GPC5: variants seen among roughly 807,000 people sequenced by gnomAD.
The protein encoded by GPC5 is glypican-5.
Under a neutral mutation model 53.9 loss-of-function variants are expected in GPC5, and 47 were observed. That is an observed-to-expected ratio of 0.87 (90% CI 0.69 to 1.11). The LOEUF is 1.11. Ranked by LOEUF, GPC5 falls within the 50% of genes most tolerant of loss-of-function variation. The pLI is 0.00. For synonymous variants in GPC5, 286 were observed against 263.3 expected (o/e 1.09, Z -0.84); for missense variants, 748 against 713.1 (o/e 1.05, Z -0.56).
intron 2 of GPC5, among the ~76,000 whole-genome samples, chr13:91,571,919 T>C (rs766370073): frequency 1.3e-4 from 12 of 94,808 alleles, no homozygotes; most frequent in South Asian, 9.5e-4. Flanking sequence ...TATATACACA[T>C]ATTGTATATA....
chr13:92,163,311 C>A (rs9556153), intron 7 of GPC5, among the ~76,000 whole-genome samples: 27 of 151,684 alleles, frequency 1.8e-4, no homozygotes, highest in Non-Finnish European at 2.9e-4. Context: ...AAATACAGAC[C>A]TCAGCCAGGC....
chr13:92,143,510 G>T (rs970373222), intron 6 of GPC5, among the ~76,000 whole-genome samples: 3 of 151,984 alleles, frequency 2.0e-5, no homozygotes, highest in Non-Finnish European at 2.9e-5. Flanking sequence ...CTTAATATTT[G>T]CTGAGTTCAC....
chr13:91,799,255 C>T (rs2038096037), intron 5 of GPC5, among the ~76,000 whole-genome samples: 1 of 152,162 alleles, frequency 6.6e-6, no homozygotes, highest in South Asian at 2.1e-4. Context: ...ATTGCCTATT[C>T]TCACTTATAA....
chr13:91,479,128 G>A (rs574882809), intron 2 of GPC5, among the ~76,000 whole-genome samples: 210 of 151,398 alleles, frequency 1.4e-3, no homozygotes, highest in African/African-American at 4.6e-3. Flanking sequence ...GCCCAGGGTG[G>A]CCTCGAACTC....
chr13:92,170,195 TTACTC>T (rs2042059460), intron 7 of GPC5, among the ~76,000 whole-genome samples: 1 of 151,756 alleles, frequency 6.6e-6, no homozygotes, highest in South Asian at 2.1e-4. Context: ...TCAATGAGGG[TTACTC>T]TAGTTTCTAT....
intron 7 of GPC5, among the ~76,000 whole-genome samples, chr13:92,833,230 T>G (rs1270107085): frequency 1.3e-5 from 2 of 152,182 alleles, no homozygotes; most frequent in Non-Finnish European, 2.9e-5. Flanking sequence ...CTTACTTATA[T>G]GATTCACAGC....
chr13:91,891,654 A>C (rs993917278), intron 5 of GPC5, among the ~76,000 whole-genome samples: 1 of 152,172 alleles, frequency 6.6e-6, no homozygotes, highest in Admixed American at 6.5e-5. Context: ...TTATGAGAGA[A>C]AATGTCCATA....
chr13:92,107,847 C>A (rs1238188583), intron 6 of GPC5, among the ~76,000 whole-genome samples: 3 of 152,174 alleles, frequency 2.0e-5, no homozygotes, highest in Non-Finnish European at 4.4e-5. Context: ...AAACCATTTT[C>A]TCTTTTCAGA....
chr13:91,699,115 G>A (rs1454629088), intron 3 of GPC5, among the ~76,000 whole-genome samples: 3 of 152,152 alleles, frequency 2.0e-5, no homozygotes, highest in Non-Finnish European at 4.4e-5. Flanking sequence ...AATTAATGTT[G>A]GATATGTAGA....
At chr13:92,473,888 CT>C (rs2139424808) in intron 7 of GPC5, among the ~76,000 whole-genome samples, 1 of 152,172 alleles carries the variant, frequency 6.6e-6, no homozygotes, top group Admixed American at 6.6e-5. Context: ...CTTGAACTTC[CT>C]TTGAACTCTG....
intron 6 of GPC5, among the ~76,000 whole-genome samples, chr13:91,940,026 C>T (rs1231331047): frequency 6.6e-6 from 1 of 152,130 alleles, no homozygotes; most frequent in East Asian, 1.9e-4. Context: ...CTCTCCATCA[C>T]TTAACAGTTC....
At chr13:91,415,386 T>C (rs1265756108) in intron 1 of GPC5, among the ~76,000 whole-genome samples, 1 of 152,098 alleles carries the variant, frequency 6.6e-6, no homozygotes, top group East Asian at 1.9e-4. Flanking sequence ...GAGTCTCCTG[T>C]TTTATGCCAG....
intron 7 of GPC5, among the ~76,000 whole-genome samples, chr13:92,800,737 C>A (rs1400140212): frequency 6.6e-6 from 1 of 151,758 alleles, no homozygotes; most frequent in Non-Finnish European, 1.5e-5. Flanking sequence ...ATGGTTTCTT[C>A]ATTGATACAG....
intron 2 of GPC5, among the ~76,000 whole-genome samples, chr13:91,655,300 T>C (rs1290893171): frequency 6.6e-6 from 1 of 152,140 alleles, no homozygotes; most frequent in Non-Finnish European, 1.5e-5. Context: ...TGTGTTTGTG[T>C]GTGTGTACAC....
chr13:92,383,868 G>T (rs2043770524), intron 7 of GPC5, among the ~76,000 whole-genome samples: 2 of 152,050 alleles, frequency 1.3e-5, no homozygotes, highest in African/African-American at 4.8e-5. Flanking sequence ...GTAACTCTAA[G>T]AATGCAACTG....
intron 7 of GPC5, among the ~76,000 whole-genome samples, chr13:92,440,085 A>G (rs1660915317): frequency 1.3e-5 from 2 of 152,216 alleles, no homozygotes; most frequent in South Asian, 4.1e-4. Context: ...GAATGATGGG[A>G]CAAGACAATG....
intron 5 of GPC5, among the ~76,000 whole-genome samples, chr13:91,829,119 G>T (rs947497760): frequency 2.6e-5 from 4 of 152,026 alleles, no homozygotes; most frequent in Non-Finnish European, 4.4e-5. Context: ...ATGACACCAT[G>T]TGCCTCCTGA....
chr13:92,324,004 G>A (rs964443655), intron 7 of GPC5, among the ~76,000 whole-genome samples: 2 of 151,798 alleles, frequency 1.3e-5, no homozygotes, highest in Non-Finnish European at 2.9e-5. Context: ...TTTTGATGTA[G>A]TTTCTGTTTA....
intron 7 of GPC5, among the ~76,000 whole-genome samples, chr13:92,553,554 T>A (rs764068498): frequency 3.3e-5 from 5 of 151,908 alleles, no homozygotes; most frequent in Non-Finnish European, 4.4e-5. Context: ...CAAGCCATAC[T>A]CAACCCCTGA....
Sources: allele counts gnomAD v4.1 joint callset (sites outside exome capture counted in the v4.1 genomes callset), GRCh38; gene constraint gnomAD v4.1.1; transcripts MANE v1.5; gene names NCBI Gene and HGNC (gene_info 2026-07-23, HGNC 2026-07-21).